ZMYND8: variants seen among roughly 807,000 people sequenced by gnomAD.
ZMYND8 encodes MYND-type zinc finger-containing chromatin reader ZMYND8.
A neutral mutation model predicts 140.8 loss-of-function variants in ZMYND8; 37 were observed. The ratio of observed to expected loss-of-function variants is 0.26; its 90% confidence interval spans 0.20 to 0.35. ZMYND8 has a LOEUF of 0.35. ZMYND8 is among the 10% of genes least tolerant of loss of function. The pLI is 1.00. For synonymous variants in ZMYND8, 592 were observed against 597.1 expected, an observed-to-expected ratio of 0.99 and a Z score of 0.12; for missense variants, 1,068 against 1,570.0, an observed-to-expected ratio of 0.68 and a Z score of 5.40.
intron 6 of ZMYND8, 94 bp downstream of exon 6, chr20:47,291,702 T>C: frequency 1.1e-6 from 1 of 871,408 alleles, no homozygotes; most frequent in Non-Finnish European, 1.6e-6. Context: ...AAGATTGTTA[T>C]GTCCAACTTG....
intron 16 of ZMYND8, among the ~76,000 whole-genome samples, chr20:47,233,600 A>C (rs76348833): frequency 0.017 from 2,615 of 152,270 alleles, 82 homozygotes; most frequent in African/African-American, 0.06. Flanking sequence ...TGAAATGCAC[A>C]AAGCAGTTCA....
intron 15 of ZMYND8, 113 bp downstream of exon 15, chr20:47,238,645 G>A: frequency 1.3e-6 from 2 of 1,510,240 alleles, no homozygotes; most frequent in Non-Finnish European, 1.8e-6. Context: ...AGATACAATG[G>A]CCCGGAAACA....
chr20:47,238,712 A>G (rs2039566602), intron 15 of ZMYND8, 46 bp downstream of exon 15: 1 of 1,573,478 alleles, frequency 6.4e-7, no homozygotes, highest in African/African-American at 1.4e-5. Flanking sequence ...TCGATGTGGC[A>G]AAATGGGAGC....
chr20:47,330,642 T>C (rs2080864077), intron 2 of ZMYND8, among the ~76,000 whole-genome samples: 1 of 151,976 alleles, frequency 6.6e-6, no homozygotes, highest in Non-Finnish European at 1.5e-5. Context: ...TTTCAAAGAG[T>C]ACTATGTCCC....
chr20:47,286,256 C>A (rs1262412536), intron 8 of ZMYND8, among the ~76,000 whole-genome samples: 1 of 151,622 alleles, frequency 6.6e-6, no homozygotes, highest in African/African-American at 2.4e-5. Context: ...TGGCTCACTG[C>A]AACCTCTGCC....
intron 19 of ZMYND8, among the ~76,000 whole-genome samples, chr20:47,222,172 C>T (rs1257041314): frequency 6.6e-6 from 1 of 152,164 alleles, no homozygotes; most frequent in Non-Finnish European, 1.5e-5. Flanking sequence ...AGGAAAACCA[C>T]GTGAAAGGCG....
chr20:47,210,702 T>C lies in ZMYND8; in HGVS notation c.*59A>G, dbSNP rs1163901144. ...TTCTCCTGCCTTTGTTGTTTCTTCT[T>C]TTCCTGGCGTCTGGGTTTTTCTCCC... On this transcript the variant is annotated 3_prime_UTR_variant, in exon 23 of 23. Coordinates refer to ENST00000471951, the MANE Select transcript of ZMYND8 (RefSeq NM_001281775.3). 12 of 1,613,602 alleles carry C rather than the reference T, an allele frequency of 7.4e-6. No homozygotes were observed. The highest frequency in any genetic ancestry group is 3.3e-5 in the Admixed American group (2 of 59,968).
chr20:47,214,119 C>T (rs755153181), intron 21 of ZMYND8, among the ~76,000 whole-genome samples: 11 of 152,176 alleles, frequency 7.2e-5, no homozygotes, highest in East Asian at 1.9e-4. Flanking sequence ...GAAGCCTTGA[C>T]GTTTTTAAAA....
chr20:47,292,089 T>C (rs1055181218), intron 5 of ZMYND8, among the ~76,000 whole-genome samples: 1 of 152,194 alleles, frequency 6.6e-6, no homozygotes, highest in African/African-American at 2.4e-5. Context: ...ATAAGCCCAA[T>C]TGTGATCCAA....
intron 2 of ZMYND8, among the ~76,000 whole-genome samples, chr20:47,334,605 A>AAAAAATATAT (rs773739583): frequency 1.3e-4 from 18 of 141,722 alleles, no homozygotes; most frequent in African/African-American, 4.8e-4. Context: ...GAAAAAAAAA[A>AAAAAATATAT]ATATATATAT....
At chr20:47,339,050 G>C (rs1251754162) in intron 2 of ZMYND8, among the ~76,000 whole-genome samples, 1 of 148,542 alleles carries the variant, frequency 6.7e-6, no homozygotes, top group Non-Finnish European at 1.5e-5. Context: ...TTGGCTCACT[G>C]CAAGCTCTGC....
chr20:47,217,545 T>G (rs2036302478), intron 21 of ZMYND8, among the ~76,000 whole-genome samples: 1 of 152,152 alleles, frequency 6.6e-6, no homozygotes, highest in Non-Finnish European at 1.5e-5. Context: ...TAAAGTGAGC[T>G]CACGTTACTC....
chr20:47,301,322 T>C (rs572160014), intron 3 of ZMYND8, among the ~76,000 whole-genome samples: 52 of 151,778 alleles, frequency 3.4e-4, no homozygotes, highest in Non-Finnish European at 6.0e-4. Context: ...GCCCAGGTAA[T>C]TTTTTGTATT....
At chr20:47,218,482 T>C (rs1426499078) in intron 21 of ZMYND8, among the ~76,000 whole-genome samples, 2 of 152,190 alleles carry the variant, frequency 1.3e-5, no homozygotes, top group Non-Finnish European at 2.9e-5. Context: ...AAACTTTTAT[T>C]GTTAACCAAC....
chr20:47,231,837 A>G (rs1227536453), intron 16 of ZMYND8, among the ~76,000 whole-genome samples: 1 of 152,276 alleles, frequency 6.6e-6, no homozygotes, highest in Non-Finnish European at 1.5e-5. Flanking sequence ...GAAATTCAAT[A>G]CATTGCTAAT....
intron 17 of ZMYND8, among the ~76,000 whole-genome samples, chr20:47,228,261 A>T (rs978871994): frequency 1.3e-5 from 2 of 152,180 alleles, no homozygotes; most frequent in Admixed American, 1.3e-4. Context: ...GCTGCTCAAC[A>T]TCCTAGAATG....
At chr20:47,280,104 G>A (rs1261460290) in intron 10 of ZMYND8, among the ~76,000 whole-genome samples, 1 of 136,842 alleles carries the variant, frequency 7.3e-6, no homozygotes, top group Admixed American at 7.9e-5. Context: ...CAGCCTAGGT[G>A]ACAAACCAAG....
At chr20:47,213,403 G>T (rs2035575254) in intron 21 of ZMYND8, among the ~76,000 whole-genome samples, 1 of 152,170 alleles carries the variant, frequency 6.6e-6, no homozygotes, top group South Asian at 2.1e-4. Context: ...CAGGAAAAAG[G>T]CTATAAAAGA....
At chr20:47,303,934 C>T (rs2078278620) in intron 3 of ZMYND8, among the ~76,000 whole-genome samples, 1 of 152,206 alleles carries the variant, frequency 6.6e-6, no homozygotes, top group South Asian at 2.1e-4. Context: ...CCTGAAACAG[C>T]AGCAGTTGCT....
Sources: gnomAD v4.1 joint callset for allele counts (sites outside exome capture counted in the v4.1 genomes callset) on GRCh38, gnomAD v4.1.1 for gene constraint, MANE v1.5 for transcripts, NCBI Gene and HGNC (gene_info 2026-07-23, HGNC 2026-07-21) for gene names.